DLG2: variants seen among roughly 807,000 people sequenced by gnomAD.
DLG2 encodes discs large MAGUK scaffold protein 2.
Under a neutral mutation model 132.5 loss-of-function variants are expected in DLG2, and 45 were observed. The observed-to-expected ratio is 0.34, with a 90% CI of 0.27 to 0.44. The LOEUF (loss-of-function observed/expected upper bound fraction) is 0.44, where lower values mean the gene tolerates loss of function less well. Ranked by LOEUF, DLG2 falls within the 20% of genes least tolerant of loss-of-function variation. The pLI is 1.00. For synonymous variants in DLG2, 424 were observed against 419.6 expected (o/e 1.01, Z -0.13); for missense variants, 1,045 against 1,196.9 (o/e 0.87, Z 1.87).
At chr11:83,741,404 C>A (rs913125588) in intron 18 of DLG2, among the ~76,000 whole-genome samples, 2 of 152,058 alleles carry the variant, frequency 1.3e-5, no homozygotes, top group African/African-American at 2.4e-5. Flanking sequence ...CCAAGAAAAT[C>A]CTAAAGACTC....
At chr11:85,429,391 G>A (rs527608247) in intron 3 of DLG2, among the ~76,000 whole-genome samples, 23 of 152,022 alleles carry the variant, frequency 1.5e-4, no homozygotes, top group East Asian at 7.7e-4. Flanking sequence ...GCTTCTGCAC[G>A]GCAAAAGAAA....
At chr11:85,585,120 T>G in intron 3 of DLG2, among the ~76,000 whole-genome samples, 1 of 152,208 alleles carries the variant, frequency 6.6e-6, no homozygotes, top group East Asian at 1.9e-4. Flanking sequence ...TCTCCTAGAA[T>G]TTTTATGGTT....
intron 16 of DLG2, among the ~76,000 whole-genome samples, chr11:83,838,924 G>A (rs912686346): frequency 2.6e-5 from 4 of 152,212 alleles, no homozygotes; most frequent in African/African-American, 9.6e-5. Context: ...AAAAATGGGA[G>A]AGAGTAAGAT....
intron 2 of DLG2, among the ~76,000 whole-genome samples, chr11:85,620,656 C>A (rs2081630439): frequency 6.6e-6 from 1 of 152,230 alleles, no homozygotes; most frequent in Non-Finnish European, 1.5e-5. Flanking sequence ...ATCAAACCAG[C>A]TGTAATTCCC....
intron 7 of DLG2, among the ~76,000 whole-genome samples, chr11:84,403,824 T>A (rs1029612541): frequency 2.0e-5 from 3 of 152,174 alleles, no homozygotes; most frequent in Non-Finnish European, 4.4e-5. Context: ...CTCCTAAATA[T>A]TGGTCTTCTG....
At chr11:84,739,921 ATCTG>A (rs1459277453) in intron 6 of DLG2, among the ~76,000 whole-genome samples, 1 of 152,024 alleles carries the variant, frequency 6.6e-6, no homozygotes, top group African/African-American at 2.4e-5. Flanking sequence ...ATTTTACAGG[ATCTG>A]ATGAAGCGGT....
intron 6 of DLG2, among the ~76,000 whole-genome samples, chr11:84,827,008 C>T (rs995726051): frequency 6.6e-6 from 1 of 151,740 alleles, no homozygotes; most frequent in South Asian, 2.1e-4. Flanking sequence ...ATTAACAAAA[C>T]TCAATTTTTT....
intron 6 of DLG2, among the ~76,000 whole-genome samples, chr11:85,069,602 G>A (rs1309956698): frequency 6.6e-6 from 1 of 152,148 alleles, no homozygotes; most frequent in Non-Finnish European, 1.5e-5. Context: ...ACCACAATGA[G>A]ATACCATCTC....
intron 6 of DLG2, among the ~76,000 whole-genome samples, chr11:84,600,750 T>C (rs1258569173): frequency 6.6e-6 from 1 of 152,174 alleles, no homozygotes; most frequent in Non-Finnish European, 1.5e-5. Context: ...TTTTGGGTAT[T>C]TCTTGGATAA....
intron 10 of DLG2, among the ~76,000 whole-genome samples, chr11:84,093,692 G>A (rs2097128397): frequency 6.6e-6 from 1 of 151,974 alleles, no homozygotes; most frequent in African/African-American, 2.4e-5. Flanking sequence ...TCAGCTTACT[G>A]CAACCTCTGC....
intron 3 of DLG2, among the ~76,000 whole-genome samples, chr11:85,534,830 C>T (rs2075463384): frequency 6.6e-6 from 1 of 152,114 alleles, no homozygotes; most frequent in Admixed American, 6.5e-5. Flanking sequence ...GGTAAAATAA[C>T]TTATTTTCCC....
At chr11:83,634,283 A>G (rs1264455849) in intron 18 of DLG2, among the ~76,000 whole-genome samples, 1 of 152,174 alleles carries the variant, frequency 6.6e-6, no homozygotes, top group African/African-American at 2.4e-5. Context: ...TCACAGAAAA[A>G]AATATTTTTG....
intron 3 of DLG2, among the ~76,000 whole-genome samples, chr11:85,476,859 A>G (rs2093158734): frequency 6.6e-6 from 1 of 152,060 alleles, no homozygotes; most frequent in South Asian, 2.1e-4. Context: ...TTTTTTTTTA[A>G]TAAGTGGAAA....
At chr11:85,573,926 C>G (rs2077994314) in intron 3 of DLG2, among the ~76,000 whole-genome samples, 1 of 152,048 alleles carries the variant, frequency 6.6e-6, no homozygotes, top group Non-Finnish European at 1.5e-5. Flanking sequence ...CATATTGCTA[C>G]TATTTACAGA....
intron 15 of DLG2, among the ~76,000 whole-genome samples, chr11:83,911,893 T>C (rs140943246): frequency 2.5e-3 from 386 of 152,138 alleles, no homozygotes; most frequent in Middle Eastern, 0.01. Flanking sequence ...AATTACAAAA[T>C]GTGTTTCCTT....
chr11:84,471,196 CAAG>C (rs1169016475), intron 7 of DLG2, among the ~76,000 whole-genome samples: 4 of 151,738 alleles, frequency 2.6e-5, no homozygotes, highest in African/African-American at 9.7e-5. Flanking sequence ...TAGTAGTAGA[CAAG>C]AAGCCCCCTG....
At chr11:84,712,526 C>G (rs1405800199) in intron 6 of DLG2, among the ~76,000 whole-genome samples, 2 of 151,912 alleles carry the variant, frequency 1.3e-5, no homozygotes, top group African/African-American at 4.8e-5. Context: ...GCATTAGAAG[C>G]CTTCAACAAC....
intron 7 of DLG2, among the ~76,000 whole-genome samples, chr11:84,448,783 A>T (rs375488176): frequency 1.3e-5 from 2 of 152,050 alleles, no homozygotes; most frequent in Admixed American, 6.6e-5. Flanking sequence ...AACGCCTATG[A>T]AACACTCAAG....
intron 7 of DLG2, among the ~76,000 whole-genome samples, chr11:84,512,667 C>A (rs2099260237): frequency 6.6e-6 from 1 of 151,862 alleles, no homozygotes; most frequent in Non-Finnish European, 1.5e-5. Context: ...ATACAGCTAC[C>A]AGCAGACTTC....
Sources: gnomAD v4.1 joint callset for allele counts (sites outside exome capture counted in the v4.1 genomes callset) on GRCh38, gnomAD v4.1.1 for gene constraint, MANE v1.5 for transcripts, NCBI Gene and HGNC (gene_info 2026-07-23, HGNC 2026-07-21) for gene names.